NRXN1: variants seen among roughly 807,000 people sequenced by gnomAD.
The protein encoded by NRXN1 is neurexin 1, also known as neurexin-1.
In NRXN1, 39 loss-of-function variants were observed where a neutral mutation model predicts 150.9. The ratio of observed to expected loss-of-function variants is 0.26; its 90% CI spans 0.20 to 0.34. The LOEUF is 0.34. Ranked by LOEUF, NRXN1 falls within the 10% of genes least tolerant of loss-of-function variation. NRXN1 has a pLI of 1.00. For missense variants in NRXN1, 1,815 were observed against 1,949.9 expected (o/e 0.93, Z 1.30); for synonymous variants, 924 against 757.0 (o/e 1.22, Z -3.62).
intron 5 of NRXN1, among the ~76,000 whole-genome samples, chr2:50,791,750 T>C (rs1706082755): frequency 6.6e-6 from 1 of 152,172 alleles, no homozygotes; most frequent in South Asian, 2.1e-4. Context: ...TTAAGGCCTT[T>C]GTTAATAAAT....
intron 18 of NRXN1, among the ~76,000 whole-genome samples, chr2:50,162,037 A>C (rs895117880): frequency 6.6e-6 from 1 of 152,158 alleles, no homozygotes; most frequent in Non-Finnish European, 1.5e-5. Context: ...TAATCCAACC[A>C]CTTGATATGA....
At chr2:50,528,547 T>C in intron 12 of NRXN1, 78 bp downstream of exon 12, 1 of 690,028 alleles carries the variant, frequency 1.4e-6, no homozygotes, top group Non-Finnish European at 2.4e-6. Flanking sequence ...TTTCTCTTGC[T>C]CTCTCTCTCT....
intron 12 of NRXN1, among the ~76,000 whole-genome samples, chr2:50,515,368 A>C (rs769736544): frequency 6.6e-6 from 1 of 152,172 alleles, no homozygotes; most frequent in Non-Finnish European, 1.5e-5. Flanking sequence ...TGTAATAGTA[A>C]TAGAAATAAG....
chr2:50,204,671 C>T (rs2152837168), intron 18 of NRXN1, among the ~76,000 whole-genome samples: 1 of 152,102 alleles, frequency 6.6e-6, no homozygotes, highest in African/African-American at 2.4e-5. Flanking sequence ...TTTGGCCACT[C>T]AATGTGCATA....
At chr2:50,861,482 C>G (rs1307027436) in intron 5 of NRXN1, among the ~76,000 whole-genome samples, 1 of 152,048 alleles carries the variant, frequency 6.6e-6, no homozygotes, top group East Asian at 1.9e-4. Flanking sequence ...GTTGGCAAAT[C>G]CTGAGCTAAA....
At chr2:50,111,647 GA>G (rs1033625670) in intron 18 of NRXN1, among the ~76,000 whole-genome samples, 47 of 147,168 alleles carry the variant, frequency 3.2e-4, no homozygotes, top group African/African-American at 8.0e-4. Flanking sequence ...TCAAAAAAAA[GA>G]AAAAAAAAAG....
chr2:50,969,737 G>C (rs1694715209), intron 2 of NRXN1, among the ~76,000 whole-genome samples: 2 of 152,056 alleles, frequency 1.3e-5, no homozygotes, highest in South Asian at 2.1e-4. Context: ...CAAAGCTTTG[G>C]TTTTAGGGCA....
chr2:50,177,743 A>C (rs1007382779), intron 18 of NRXN1, among the ~76,000 whole-genome samples: 13 of 151,758 alleles, frequency 8.6e-5, no homozygotes, highest in African/African-American at 3.1e-4. Context: ...GAAAACAAGT[A>C]GCATTCAATT....
intron 8 of NRXN1, among the ~76,000 whole-genome samples, chr2:50,571,731 C>A (rs531053589): frequency 5.3e-5 from 8 of 151,760 alleles, no homozygotes; most frequent in South Asian, 4.2e-4. Context: ...GAGTATATTG[C>A]AGAAAAGCAA....
At chr2:49,970,806 G>A (rs561455965) in intron 21 of NRXN1, among the ~76,000 whole-genome samples, 1 of 152,008 alleles carries the variant, frequency 6.6e-6, no homozygotes, top group African/African-American at 2.4e-5. Context: ...AAGTTCTGAA[G>A]CAAATGGATG....
intron 17 of NRXN1, among the ~76,000 whole-genome samples, chr2:50,355,041 C>A (rs1400399857): frequency 6.6e-6 from 1 of 152,054 alleles, no homozygotes; most frequent in East Asian, 1.9e-4. Context: ...AACCAGAAAT[C>A]ATGTACCATA....
intron 5 of NRXN1, among the ~76,000 whole-genome samples, chr2:50,685,578 C>T (rs1450639414): frequency 6.6e-6 from 1 of 152,078 alleles, no homozygotes; most frequent in African/African-American, 2.4e-5. Context: ...TAATTTCTAT[C>T]CCTTTACCTC....
At chr2:50,794,827 A>C (rs1419018539) in intron 5 of NRXN1, among the ~76,000 whole-genome samples, 1 of 152,136 alleles carries the variant, frequency 6.6e-6, no homozygotes, top group Non-Finnish European at 1.5e-5. Flanking sequence ...AGCTTAAGAT[A>C]TCTTTTTGAA....
At chr2:50,356,864 A>C (rs2078854856) in intron 17 of NRXN1, among the ~76,000 whole-genome samples, 1 of 152,212 alleles carries the variant, frequency 6.6e-6, no homozygotes, top group African/African-American at 2.4e-5. Context: ...TTATTTTTAA[A>C]TGAACTAGTT....
chr2:49,975,108 A>G (rs887253603), intron 21 of NRXN1, among the ~76,000 whole-genome samples: 1 of 150,324 alleles, frequency 6.7e-6, no homozygotes, highest in Non-Finnish European at 1.5e-5. Context: ...ATACATATAC[A>G]TACAATTATA....
intron 5 of NRXN1, among the ~76,000 whole-genome samples, chr2:50,781,556 A>G (rs1282631416): frequency 6.6e-6 from 1 of 152,202 alleles, no homozygotes; most frequent in Non-Finnish European, 1.5e-5. Flanking sequence ...ACTTAGCCTT[A>G]CCTGTGAAAC....
chr2:50,858,367 C>A (rs1675575595), intron 5 of NRXN1, among the ~76,000 whole-genome samples: 1 of 152,018 alleles, frequency 6.6e-6, no homozygotes, highest in African/African-American at 2.4e-5. Flanking sequence ...GTGCTGATTC[C>A]TTTTCAAACT....
intron 10 of NRXN1, among the ~76,000 whole-genome samples, chr2:50,533,227 C>G (rs1313774314): frequency 6.6e-6 from 1 of 152,102 alleles, no homozygotes; most frequent in Non-Finnish European, 1.5e-5. Flanking sequence ...TCAGTCAACT[C>G]ATATGCTCAC....
chr2:51,024,313 C>T (rs556548308), intron 2 of NRXN1, among the ~76,000 whole-genome samples: 3 of 152,196 alleles, frequency 2.0e-5, no homozygotes, highest in African/African-American at 7.2e-5. Context: ...GGTCAAAGAA[C>T]ATAAGTGATG....
Sources: gnomAD v4.1 joint callset for allele counts (sites outside exome capture counted in the v4.1 genomes callset) on GRCh38, gnomAD v4.1.1 for gene constraint, MANE v1.5 for transcripts, NCBI Gene and HGNC (gene_info 2026-07-23, HGNC 2026-07-21) for gene names.